The following ERCC6 variants were observed in gnomAD, a reference collection of about 807,000 sequenced individuals.
ERCC6 encodes DNA excision repair protein ERCC-6.
Under a neutral mutation model 158.7 loss-of-function variants are expected in ERCC6, and 116 were observed. The ratio of observed to expected loss-of-function variants is 0.73; its 90% CI spans 0.63 to 0.85. The LOEUF is 0.85. ERCC6 is among the 40% of genes least tolerant of loss of function. The probability of loss-of-function intolerance (pLI) is 0.00; values close to 1 mark genes in which losing one functional copy is unlikely to be tolerated. For synonymous variants in ERCC6, 678 were observed against 659.3 expected (o/e 1.03, Z -0.43); for missense variants, 1,698 against 1,799.4 (o/e 0.94, Z 1.02).
At chr10:49,450,516 G>A (rs1245178319), downstream of ERCC6, among the ~76,000 whole-genome samples, 2 of 152,174 alleles carry the variant, frequency 1.3e-5, no homozygotes, top group African/African-American at 4.8e-5. Context: ...CTTAGCATCA[G>A]CTTGTCAATT....
chr10:49,460,158 T>C (rs1850551756), intron 20 of ERCC6: 2 of 607,548 alleles, frequency 3.3e-6, no homozygotes, highest in Non-Finnish European at 5.9e-6. Flanking sequence ...GAAATGCTGC[T>C]ACGGATCTTG....
intron 5 of ERCC6, among the ~76,000 whole-genome samples, chr10:49,522,006 G>C (rs1180820057): frequency 6.6e-6 from 1 of 152,154 alleles, no homozygotes; most frequent in African/African-American, 2.4e-5. Flanking sequence ...GAGTTGAAAA[G>C]AGCATTATAA....
At chr10:49,461,029 A>G (rs1457294920) in intron 19 of ERCC6, among the ~76,000 whole-genome samples, 1 of 152,346 alleles carries the variant, frequency 6.6e-6, no homozygotes, top group African/African-American at 2.4e-5. Flanking sequence ...CAAAGTAATT[A>G]ATGTGTGCTG....
At chr10:49,436,466 C>A in the ERCC6 span, among the ~76,000 whole-genome samples, 1 of 151,900 alleles carries the variant, frequency 6.6e-6, no homozygotes, top group Non-Finnish European at 1.5e-5. Flanking sequence ...ACAAAGAACC[C>A]CTACAAATCA....
At chr10:49,477,156 C>T (rs1850893607) in intron 11 of ERCC6, among the ~76,000 whole-genome samples, 2 of 152,164 alleles carry the variant, frequency 1.3e-5, no homozygotes, top group African/African-American at 4.8e-5. Flanking sequence ...TCTGTCTCAA[C>T]TTCTACTTAA....
At chr10:49,516,213 G>A (rs772769220) in intron 5 of ERCC6, 17 of 1,614,136 alleles carry the variant, frequency 1.1e-5, no homozygotes, top group Non-Finnish European at 1.4e-5. Context: ...CAGACAGGTG[G>A]CACCACACCA....
At chr10:49,514,126 T>C (rs899827969) in intron 5 of ERCC6, among the ~76,000 whole-genome samples, 1 of 152,194 alleles carries the variant, frequency 6.6e-6, no homozygotes, top group African/African-American at 2.4e-5. Context: ...AATCCAAATG[T>C]TGTCTTAAAA....
intron 8 of ERCC6, among the ~76,000 whole-genome samples, chr10:49,487,449 T>C (rs925498032): frequency 2.0e-5 from 3 of 152,120 alleles, no homozygotes; most frequent in African/African-American, 7.2e-5. Context: ...AATAAACGCC[T>C]TGGGGTGCAC....
intron 5 of ERCC6, among the ~76,000 whole-genome samples, chr10:49,521,504 A>C (rs1837161758): frequency 6.6e-6 from 1 of 152,270 alleles, no homozygotes; most frequent in African/African-American, 2.4e-5. Flanking sequence ...AACAGCCATA[A>C]GCAAATGGAA....
the ERCC6 span, among the ~76,000 whole-genome samples, chr10:49,439,724 AT>A: frequency 6.6e-6 from 1 of 152,154 alleles, no homozygotes; most frequent in Non-Finnish European, 1.5e-5. Flanking sequence ...ATAAAACTAA[AT>A]GCCTTTAACA....
chr10:49,446,557 C>A, the ERCC6 span, among the ~76,000 whole-genome samples: 1 of 152,160 alleles, frequency 6.6e-6, no homozygotes, highest in East Asian at 1.9e-4. Flanking sequence ...AGGAGGATCA[C>A]TTGAGCCAAG....
In ERCC6 at chr10:49,513,705, G is replaced by A. The variant is rs141660122; in HGVS notation, c.1398-7693C>T. Among the ~76,000 whole-genome samples, 527 of 152,208 alleles carry A rather than the reference G, an allele frequency of 3.5e-3. 3 individuals are homozygous for A. The highest frequency in any genetic ancestry group is 0.012 in the African/African-American group (498 of 41,526). ...TAAGCTCTCATGAAAACTAACTATC[G>A]TGAGAACAGCATGGGGGAAACCGCC... On this transcript the variant is annotated intron_variant, in intron 5 of 20. Transcript: ENST00000355832.
chr10:49,441,742 C>A, the ERCC6 span, among the ~76,000 whole-genome samples: 1 of 152,234 alleles, frequency 6.6e-6, no homozygotes, highest in East Asian at 1.9e-4. Context: ...GCCCGCAGCG[C>A]CAGCCCCGCT....
At chr10:49,528,604 T>C in intron 3 of ERCC6, 79 bp from the exon 4 acceptor site, 1 of 1,534,672 alleles carries the variant, frequency 6.5e-7, no homozygotes, top group South Asian at 1.2e-5. Context: ...ATTATGAAAT[T>C]TTAAACTTAA....
At position 49,529,084 on chromosome 10, in the gene ERCC6, C is replaced by T. The variant is rs1010544172; in HGVS notation, c.544-559G>A. On this transcript the variant is annotated intron_variant, in intron 3 of 20. Coordinates refer to ENST00000355832, the MANE Select transcript of ERCC6 (RefSeq NM_000124.4). ...TTGCCATGCCTCTCCACCCTGGCCA[C>T]GCCAGACTCCTCTTTGTCTTGTTCC... Among the ~76,000 whole-genome samples, 5 of 152,230 alleles carry T rather than the reference C, an allele frequency of 3.3e-5. No homozygotes were observed. The East Asian group carries it at 5.8e-4, about 18-fold the overall frequency.
At chr10:49,503,804 T>C (rs1461375665) in intron 6 of ERCC6, 2 of 152,182 alleles carry the variant, frequency 1.3e-5, no homozygotes, top group African/African-American at 4.8e-5. Context: ...TTTTTATGAA[T>C]ATACAACATA....
chr10:49,520,325 C>A (rs1018603), intron 5 of ERCC6, among the ~76,000 whole-genome samples: 128,823 of 152,088 alleles, frequency 0.85, 55,040 homozygotes, highest in East Asian at 1. Context: ...GCTTTGCTCT[C>A]GTCTGTGCTC....
intron 5 of ERCC6, among the ~76,000 whole-genome samples, chr10:49,514,380 T>C (rs2132594388): frequency 6.6e-6 from 1 of 152,322 alleles, no homozygotes; most frequent in East Asian, 1.9e-4. Flanking sequence ...CAACTGCCCA[T>C]ACCAACACAC....
At chr10:49,462,106 G>C (rs1850593366) in intron 18 of ERCC6, among the ~76,000 whole-genome samples, 1 of 152,052 alleles carries the variant, frequency 6.6e-6, no homozygotes, top group Non-Finnish European at 1.5e-5. Flanking sequence ...ACACTGAAAA[G>C]GCAAAGTAAC....
Sources: gnomAD v4.1 joint callset for allele counts (sites outside exome capture counted in the v4.1 genomes callset) on GRCh38, gnomAD v4.1.1 for gene constraint, MANE v1.5 for transcripts, NCBI Gene and HGNC (gene_info 2026-07-23, HGNC 2026-07-21) for gene names.